TEX11: variants seen among roughly 807,000 people sequenced by gnomAD.
TEX11 encodes the protein testis expressed 11, also known as testis-expressed protein 11.
A neutral mutation model predicts 84.4 loss-of-function variants in TEX11; 7 were observed. The observed-to-expected ratio is 0.08, with a 90% CI of 0.05 to 0.16. The LOEUF (loss-of-function observed/expected upper bound fraction) is 0.16, where lower values mean the gene tolerates loss of function less well. Among genes scored for constraint, TEX11 ranks in the 10% least tolerant of loss-of-function variants. TEX11 has a pLI of 1.00. For synonymous variants in TEX11, 264 were observed against 222.8 expected (o/e 1.18, Z -1.64); for missense variants, 551 against 660.5 (o/e 0.83, Z 1.82).
chrX:70,573,375 C>T (rs1316863461), intron 25 of TEX11, among the ~76,000 whole-genome samples: 1 of 111,532 alleles, frequency 9.0e-6, no homozygotes, highest in Non-Finnish European at 1.9e-5. Flanking sequence ...TGGGTATCTC[C>T]AGCTAATTGT....
chrX:70,786,428 C>G (rs368428625), intron 9 of TEX11, among the ~76,000 whole-genome samples: 213 of 111,443 alleles, frequency 1.9e-3, no homozygotes, highest in African/African-American at 6.8e-3. Context: ...ATGTAGCAAA[C>G]TTGCACATTG....
At chrX:70,520,431 C>T in the TEX11 span, among the ~76,000 whole-genome samples, 8 of 112,468 alleles carry the variant, frequency 7.1e-5, no homozygotes, top group African/African-American at 2.6e-4. Context: ...CCCTGTTTGC[C>T]TGGGTAACAG....
chrX:70,883,032 C>T (rs181084114), intron 2 of TEX11, among the ~76,000 whole-genome samples: 2 of 112,527 alleles, frequency 1.8e-5, no homozygotes, highest in Admixed American at 9.4e-5. Flanking sequence ...GGATAAAATG[C>T]AGTCAGCAAA....
chrX:70,715,701 T>C (rs949705102), intron 13 of TEX11, among the ~76,000 whole-genome samples: 6 of 111,858 alleles, frequency 5.4e-5, no homozygotes, highest in Admixed American at 3.8e-4. Flanking sequence ...TCTAATCTTT[T>C]TTCAAGGTTT....
At chrX:70,841,977 T>A (rs1228413227) in intron 7 of TEX11, among the ~76,000 whole-genome samples, 2 of 111,306 alleles carry the variant, frequency 1.8e-5, no homozygotes, top group African/African-American at 6.5e-5. Flanking sequence ...TCTGAAATTG[T>A]GGCAATAATC....
At chrX:70,572,154 G>GA (rs1223276683) in intron 25 of TEX11, among the ~76,000 whole-genome samples, 314 of 98,395 alleles carry the variant, frequency 3.2e-3, no homozygotes, top group Middle Eastern at 5.0e-3. Flanking sequence ...AAATTTACAA[G>GA]AAAAAAAAAA....
intron 20 of TEX11, among the ~76,000 whole-genome samples, chrX:70,620,778 C>T (rs1394816034): frequency 8.9e-6 from 1 of 111,880 alleles, no homozygotes; most frequent in East Asian, 2.8e-4. Flanking sequence ...GCTATCAAGA[C>T]ACAAAAATAC....
At chrX:70,657,866 A>G (rs1293959293) in intron 16 of TEX11, among the ~76,000 whole-genome samples, 2 of 88,571 alleles carry the variant, frequency 2.3e-5, no homozygotes, top group East Asian at 4.0e-4. Context: ...ATAGATGGGA[A>G]TTGAACAATG....
chrX:70,603,841 C>A (rs1281251692), intron 24 of TEX11, among the ~76,000 whole-genome samples: 7 of 107,582 alleles, frequency 6.5e-5, no homozygotes, highest in African/African-American at 2.4e-4. Flanking sequence ...ACAAGGAACT[C>A]CAACAAATTT....
intron 7 of TEX11, among the ~76,000 whole-genome samples, chrX:70,834,917 C>T (rs1369705487): frequency 3.6e-5 from 4 of 111,112 alleles, no homozygotes; most frequent in Non-Finnish European, 5.7e-5. Flanking sequence ...ATTGAGTAGA[C>T]AGAAGAAAAT....
At chrX:70,754,432 T>C (rs2090852564) in intron 9 of TEX11, among the ~76,000 whole-genome samples, 1 of 111,134 alleles carries the variant, frequency 9.0e-6, no homozygotes, top group Admixed American at 9.6e-5. Context: ...CACAGTAAAA[T>C]ATAATAGAGC....
intron 25 of TEX11, among the ~76,000 whole-genome samples, chrX:70,570,505 C>T (rs759209719): frequency 9.0e-5 from 10 of 111,423 alleles, no homozygotes; most frequent in South Asian, 7.6e-4. Context: ...GCGTCGCTCA[C>T]GCTGGGAGCT....
At chrX:70,555,816 AT>A (rs1489221597) in intron 25 of TEX11, among the ~76,000 whole-genome samples, 1 of 112,312 alleles carries the variant, frequency 8.9e-6, no homozygotes, top group Non-Finnish European at 1.9e-5. Flanking sequence ...TATGAATTTA[AT>A]TAATAGGCAT....
intron 15 of TEX11, among the ~76,000 whole-genome samples, chrX:70,672,718 C>T (rs898504109): frequency 2.7e-5 from 3 of 111,857 alleles, no homozygotes; most frequent in Admixed American, 9.5e-5. Flanking sequence ...TTAGAGAGTT[C>T]TTTCTATGTT....
chrX:70,682,319 GA>G (rs1042142149), intron 14 of TEX11, among the ~76,000 whole-genome samples: 2 of 109,204 alleles, frequency 1.8e-5, no homozygotes, highest in African/African-American at 3.3e-5. Context: ...TTTTATAGTT[GA>G]AAAAAAAATC....
At chrX:70,686,627 A>T (rs1417195205) in intron 13 of TEX11, among the ~76,000 whole-genome samples, 3 of 110,158 alleles carry the variant, frequency 2.7e-5, no homozygotes, top group Non-Finnish European at 5.7e-5. Flanking sequence ...AGGTGCAGCA[A>T]ACCACCATGG....
intron 13 of TEX11, among the ~76,000 whole-genome samples, chrX:70,688,683 G>A (rs750154840): frequency 5.5e-5 from 6 of 108,858 alleles, no homozygotes; most frequent in Non-Finnish European, 1.1e-4. Context: ...TAGCAGATAC[G>A]TGTCATTATG....
At chrX:70,685,819 AATG>A (rs770810324) in intron 13 of TEX11, among the ~76,000 whole-genome samples, 2 of 111,902 alleles carry the variant, frequency 1.8e-5, no homozygotes, top group South Asian at 7.4e-4. Context: ...GCATTTCTCT[AATG>A]ATCAGTAATG....
chrX:70,814,943 T>G, intron 8 of TEX11, among the ~76,000 whole-genome samples: 1 of 112,261 alleles, frequency 8.9e-6, no homozygotes, highest in Non-Finnish European at 1.9e-5. Flanking sequence ...CCCAGAGAAT[T>G]TTATTATAAA....
Sources: gnomAD v4.1 joint callset for allele counts (sites outside exome capture counted in the v4.1 genomes callset) on GRCh38, gnomAD v4.1.1 for gene constraint, MANE v1.5 for transcripts, NCBI Gene and HGNC (gene_info 2026-07-23, HGNC 2026-07-21) for gene names.